Variants in CTTNBP2NL observed in about 807,000 individuals in gnomAD.
The protein encoded by CTTNBP2NL is CTTNBP2 N-terminal-like protein.
A neutral mutation model predicts 32.5 loss-of-function variants in CTTNBP2NL; 16 were observed. That is an observed-to-expected ratio of 0.49 (90% CI 0.33 to 0.75). The LOEUF is 0.75. Ranked by LOEUF, CTTNBP2NL falls within the 30% of genes least tolerant of loss-of-function variation. The probability of loss-of-function intolerance (pLI) is 0.02; values close to 1 mark genes in which losing one functional copy is unlikely to be tolerated. For synonymous variants in CTTNBP2NL, 298 were observed against 289.4 expected (o/e 1.03, Z -0.30); for missense variants, 645 against 756.0 (o/e 0.85, Z 1.72).
intron 1 of CTTNBP2NL, among the ~76,000 whole-genome samples, chr1:112,396,865 C>G (rs1188232109): frequency 6.6e-6 from 1 of 152,224 alleles, no homozygotes; most frequent in Admixed American, 6.5e-5. Context: ...CTCGCATCCT[C>G]TGGCCTCTTG....
chr1:112,404,145 C>T (rs1160654047), intron 1 of CTTNBP2NL, among the ~76,000 whole-genome samples: 2 of 152,204 alleles, frequency 1.3e-5, no homozygotes, highest in African/African-American at 2.4e-5. Flanking sequence ...AAACTCAGCT[C>T]TGTCAGATTC....
At chr1:112,440,334 A>G (rs956739393) in intron 3 of CTTNBP2NL, among the ~76,000 whole-genome samples, 10 of 152,264 alleles carry the variant, frequency 6.6e-5, no homozygotes, top group African/African-American at 2.2e-4. Flanking sequence ...AAAATAAACA[A>G]TAATACCGAT....
At chr1:112,450,461 T>C (rs1650182213) in intron 4 of CTTNBP2NL, among the ~76,000 whole-genome samples, 1 of 152,156 alleles carries the variant, frequency 6.6e-6, no homozygotes, top group Non-Finnish European at 1.5e-5. Flanking sequence ...AAGGTATCAG[T>C]GGGTGGGAGT....
chr1:112,391,623 T>G (rs1648183841), upstream of CTTNBP2NL, among the ~76,000 whole-genome samples: 1 of 152,202 alleles, frequency 6.6e-6, no homozygotes, highest in Non-Finnish European at 1.5e-5. Context: ...TTCAGGTAAG[T>G]GCCCATAGCT....
At chr1:112,419,948 C>T (rs1649176717) in intron 3 of CTTNBP2NL, among the ~76,000 whole-genome samples, 1 of 152,162 alleles carries the variant, frequency 6.6e-6, no homozygotes. Flanking sequence ...AACACATGAA[C>T]ATAAGCTATA....
intron 1 of CTTNBP2NL, among the ~76,000 whole-genome samples, chr1:112,403,905 T>C (rs540848075): frequency 1.5e-4 from 23 of 152,300 alleles, no homozygotes; most frequent in African/African-American, 5.5e-4. Context: ...ATTAGACACG[T>C]GAATGATAGA....
At chr1:112,446,337 G>T (rs547508915) in intron 3 of CTTNBP2NL, among the ~76,000 whole-genome samples, 1 of 152,074 alleles carries the variant, frequency 6.6e-6, no homozygotes, top group African/African-American at 2.4e-5. Context: ...TTACACTGCA[G>T]CCTGGTTGAC....
rs2101038099 is a variant in CTTNBP2NL at position 112,457,907 on chromosome 1, A to C, written c.*495A>C. 1 of 155,002 alleles carries C rather than the reference A, an allele frequency of 6.5e-6. No homozygotes were observed. Among genetic ancestry groups the C allele is most frequent in the South Asian group, 2.0e-4 (1 of 4,946 alleles). 9.6% of individuals were successfully genotyped at this position (155,002 alleles called of 1,614,324 possible). On this transcript the variant is annotated 3_prime_UTR_variant, in exon 6 of 6. Coordinates refer to ENST00000271277, the MANE Select transcript of CTTNBP2NL (RefSeq NM_018704.3). ...CTGTGAATTCTGAATGTTAAAAACC[A>C]ACACTGCTTTTAATCCTCTTTTAAT...
At chr1:112,402,027 C>G (rs908953336) in intron 1 of CTTNBP2NL, among the ~76,000 whole-genome samples, 1 of 152,156 alleles carries the variant, frequency 6.6e-6, no homozygotes. Context: ...GACTCCTGAC[C>G]GTGAGCTTCG....
intron 3 of CTTNBP2NL, among the ~76,000 whole-genome samples, chr1:112,426,959 T>G (rs2488792): frequency 0.55 from 83,937 of 151,906 alleles, 24,300 homozygotes; most frequent in South Asian, 0.71. Context: ...TTCAACAGAA[T>G]AAACAATACC....
At chr1:112,434,478 T>C (rs777098049) in intron 3 of CTTNBP2NL, among the ~76,000 whole-genome samples, 1 of 152,178 alleles carries the variant, frequency 6.6e-6, no homozygotes, top group Non-Finnish European at 1.5e-5. Flanking sequence ...GGTTTTTCTC[T>C]CCCTCTTATA....
chr1:112,406,990 T>C (rs1648684636), intron 1 of CTTNBP2NL, among the ~76,000 whole-genome samples: 1 of 152,222 alleles, frequency 6.6e-6, no homozygotes, highest in South Asian at 2.1e-4. Context: ...GTAATTTCTT[T>C]GTAAGTGCAC....
intron 1 of CTTNBP2NL, among the ~76,000 whole-genome samples, chr1:112,404,605 T>A (rs551241104): frequency 2.0e-5 from 3 of 152,332 alleles, no homozygotes; most frequent in African/African-American, 4.8e-5. Flanking sequence ...TGTTCCCTTG[T>A]GGTATTTTAC....
chr1:112,425,393 C>G (rs1011161159), intron 3 of CTTNBP2NL, among the ~76,000 whole-genome samples: 45 of 152,032 alleles, frequency 3.0e-4, no homozygotes, highest in African/African-American at 1.1e-3. Flanking sequence ...ATCACTTGAA[C>G]CTGGGAGGCA....
intron 3 of CTTNBP2NL, 48 bp downstream of exon 3, chr1:112,416,312 C>T (rs1262601044): frequency 4.2e-6 from 4 of 942,644 alleles, no homozygotes; most frequent in African/African-American, 1.7e-5. Context: ...TTGTGAAAGT[C>T]ATTCATTAGT....
intron 3 of CTTNBP2NL, among the ~76,000 whole-genome samples, chr1:112,426,420 AGT>A (rs1272903448): frequency 6.6e-6 from 1 of 152,054 alleles, no homozygotes; most frequent in African/African-American, 2.4e-5. Context: ...TGCTGGGCAC[AGT>A]GGCTCACACC....
chr1:112,395,626 G>A (rs750924775), upstream of CTTNBP2NL, among the ~76,000 whole-genome samples: 33 of 152,160 alleles, frequency 2.2e-4, no homozygotes, highest in Non-Finnish European at 4.0e-4. Context: ...CCCAAAGTTA[G>A]TATCCTCTTC....
Position 112,458,318 on chromosome 1 carries a change from A to G in CTTNBP2NL, c.*906A>G, listed in dbSNP as rs1650439291. The G allele has an allele frequency of 2.4e-5, 1 of 41,272 alleles. No homozygotes were observed. The allele number at this position is 41,272 out of a possible 1,614,324, so 2.6% of individuals were successfully genotyped here. A position where few individuals can be genotyped will look rare whatever the true frequency, so the allele number is the denominator to read the frequency against. Reference sequence around the variant, plus strand: ...AATAACTTGAAATTCACTCTGTAATATTATAGGTCAGTCAGAATTATACAA... The same window carrying G: ...AATAACTTGAAATTCACTCTGTAATGTTATAGGTCAGTCAGAATTATACAA... On this transcript the variant is annotated 3_prime_UTR_variant, in exon 6 of 6. Transcript: ENST00000271277.
intron 1 of CTTNBP2NL, among the ~76,000 whole-genome samples, chr1:112,409,297 G>A (rs569387150): frequency 1.3e-5 from 2 of 152,102 alleles, no homozygotes; most frequent in East Asian, 3.9e-4. Flanking sequence ...TGATAGCTGA[G>A]TATAAATTTC....
Sources: gnomAD v4.1 joint callset for allele counts (sites outside exome capture counted in the v4.1 genomes callset) on GRCh38, gnomAD v4.1.1 for gene constraint, MANE v1.5 for transcripts, NCBI Gene and HGNC (gene_info 2026-07-23, HGNC 2026-07-21) for gene names.